ILKAP: variants seen among roughly 807,000 people sequenced by gnomAD.
ILKAP encodes the protein ILK associated serine/threonine phosphatase, also known as integrin-linked kinase-associated serine/threonine phosphatase 2C.
Under a neutral mutation model 49.1 loss-of-function variants are expected in ILKAP, and 11 were observed. The observed-to-expected ratio is 0.22, with a 90% CI of 0.14 to 0.37. The LOEUF is 0.37. ILKAP is among the 10% of genes least tolerant of loss of function. The pLI is 1.00. For synonymous variants in ILKAP, 186 were observed against 192.8 expected (o/e 0.96, Z 0.29); for missense variants, 363 against 510.8 (o/e 0.71, Z 2.79).
At chr2:238,198,482 T>G (rs1694437754) in intron 1 of ILKAP, among the ~76,000 whole-genome samples, 1 of 152,150 alleles carries the variant, frequency 6.6e-6, no homozygotes, top group Non-Finnish European at 1.5e-5. Context: ...CAAGCAATCT[T>G]CCTGCCTCAG....
At chr2:238,180,898 C>T (rs1348091805) in intron 9 of ILKAP, among the ~76,000 whole-genome samples, 1 of 152,230 alleles carries the variant, frequency 6.6e-6, no homozygotes, top group Non-Finnish European at 1.5e-5. Flanking sequence ...AGAGGTGATG[C>T]TTACGCTCAT....
chr2:238,183,427 C>T (rs1450444585), intron 8 of ILKAP, among the ~76,000 whole-genome samples: 2 of 152,148 alleles, frequency 1.3e-5, no homozygotes, highest in African/African-American at 4.8e-5. Flanking sequence ...GGTTTTAAAG[C>T]ACAAGTCTAT....
chr2:238,196,778 T>C (rs1470074747), intron 1 of ILKAP, among the ~76,000 whole-genome samples: 3 of 152,238 alleles, frequency 2.0e-5, no homozygotes, highest in African/African-American at 7.2e-5. Flanking sequence ...CTAATACAAA[T>C]GGGAAAATGT....
chr2:238,186,033 AT>A (rs996931965), intron 5 of ILKAP: 2 of 152,244 alleles, frequency 1.3e-5, no homozygotes, highest in African/African-American at 4.8e-5. Flanking sequence ...TTTAAATCGG[AT>A]TTGGTTTTAA....
chr2:238,195,478 A>C (rs1431729592), intron 1 of ILKAP, among the ~76,000 whole-genome samples: 1 of 152,236 alleles, frequency 6.6e-6, no homozygotes, highest in Non-Finnish European at 1.5e-5. Flanking sequence ...GAAAGTCACG[A>C]AACTCTTTTA....
intron 1 of ILKAP, among the ~76,000 whole-genome samples, chr2:238,201,278 T>C (rs532951153): frequency 3.3e-5 from 5 of 152,356 alleles, no homozygotes; most frequent in African/African-American, 4.8e-5. Context: ...ATCTTGTTGG[T>C]TGTAGCTAAC....
chr2:238,200,025 A>G (rs1329215550), intron 1 of ILKAP, among the ~76,000 whole-genome samples: 1 of 152,202 alleles, frequency 6.6e-6, no homozygotes, highest in Non-Finnish European at 1.5e-5. Flanking sequence ...CAAATAAGTA[A>G]AAGAACCACC....
chr2:238,194,899 C>T (rs938617257), intron 1 of ILKAP, 29 bp from the exon 2 acceptor site: 17 of 1,535,736 alleles, frequency 1.1e-5, no homozygotes, highest in Non-Finnish European at 1.5e-5. Flanking sequence ...GTTTAGAGAG[C>T]ATATGGTCAT....
chr2:238,196,384 T>G (rs4663860), intron 1 of ILKAP, among the ~76,000 whole-genome samples: 1,771 of 152,022 alleles, frequency 0.012, 12 homozygotes, highest in Non-Finnish European at 0.018. Flanking sequence ...AGCCACCATG[T>G]CTGGTCTAAT....
At chr2:238,181,779 C>T (rs766373278) in intron 9 of ILKAP, among the ~76,000 whole-genome samples, 5 of 152,126 alleles carry the variant, frequency 3.3e-5, no homozygotes, top group Admixed American at 1.3e-4. Flanking sequence ...CCCGCCACCA[C>T]GAAAAGTGAC....
At chr2:238,182,681 GA>G (rs1693747149) in intron 8 of ILKAP, among the ~76,000 whole-genome samples, 1 of 152,236 alleles carries the variant, frequency 6.6e-6, no homozygotes, top group Non-Finnish European at 1.5e-5. Flanking sequence ...GGAAGACACT[GA>G]GGCACGAAGA....
chr2:238,175,304 G>A (rs1693402741), intron 9 of ILKAP, among the ~76,000 whole-genome samples: 2 of 152,054 alleles, frequency 1.3e-5, no homozygotes, highest in Admixed American at 6.6e-5. Context: ...TGTTGCCCAG[G>A]CTGGTCCTTA....
chr2:238,182,604 G>A (rs1223378513), intron 8 of ILKAP, among the ~76,000 whole-genome samples: 1 of 152,228 alleles, frequency 6.6e-6, no homozygotes, highest in Admixed American at 6.5e-5. Context: ...CGAGTGCCAG[G>A]TAGGCCGTCC....
At chr2:238,185,422 C>T in intron 5 of ILKAP, 135 bp from the exon 6 acceptor site, 1 of 581,912 alleles carries the variant, frequency 1.7e-6, no homozygotes, top group Non-Finnish European at 3.1e-6. Context: ...ACACCAGTCA[C>T]ACTGTTACAA....
chr2:238,192,274 GGTTT>G (rs944101871), intron 3 of ILKAP, among the ~76,000 whole-genome samples: 3 of 152,036 alleles, frequency 2.0e-5, no homozygotes, highest in Admixed American at 2.0e-4. Flanking sequence ...ACACCTTACA[GGTTT>G]GTTATTGACT....
intron 3 of ILKAP, among the ~76,000 whole-genome samples, chr2:238,192,758 T>C (rs1694189956): frequency 2.0e-5 from 3 of 151,024 alleles, no homozygotes; most frequent in South Asian, 4.2e-4. Flanking sequence ...CTCACGCCTG[T>C]AATCTCAGCA....
intron 9 of ILKAP, 54 bp downstream of exon 9, chr2:238,182,011 C>G: frequency 1.9e-6 from 3 of 1,604,054 alleles, no homozygotes; most frequent in Non-Finnish European, 2.6e-6. Context: ...TCTCGGGACC[C>G]TTCTACAGCT....
At chr2:238,195,848 G>C (rs1013966818) in intron 1 of ILKAP, among the ~76,000 whole-genome samples, 1 of 151,786 alleles carries the variant, frequency 6.6e-6, no homozygotes, top group Non-Finnish European at 1.5e-5. Flanking sequence ...TTCGAGACCA[G>C]CCTGGACAAC....
Position 238,203,537 on chromosome 2 carries a change from TC to T in ILKAP, c.16del (p.Asp6ThrfsTer65). MDLFG[D>X]LPEPERSPRP... Reference sequence around the variant, plus strand: ...CGGCGAGCGCTCGGGCTCCGGCAGGTCCCCGAAGAGGTCCATGGCGGAGGCT... The same window carrying T: ...CGGCGAGCGCTCGGGCTCCGGCAGGTCCCGAAGAGGTCCATGGCGGAGGCT... On this transcript the variant is annotated frameshift_variant, in exon 1 of 12. Coordinates refer to ENST00000254654, the MANE Select transcript of ILKAP (RefSeq NM_030768.3). LOFTEE classifies it high-confidence loss of function. 1 of 1,218,800 alleles carries T rather than the reference TC, an allele frequency of 8.2e-7. No individual in the cohort carries two copies. The highest frequency in any genetic ancestry group is 1.0e-6 in the Non-Finnish European group (1 of 974,240). 75.5% of individuals were successfully genotyped at this position (1,218,800 alleles called of 1,614,324 possible). A position where few individuals can be genotyped will look rare whatever the true frequency, so the allele number is the denominator to read the frequency against.
Sources: gnomAD v4.1 joint callset for allele counts (sites outside exome capture counted in the v4.1 genomes callset) on GRCh38, gnomAD v4.1.1 for gene constraint, MANE v1.5 for transcripts, NCBI Gene and HGNC (gene_info 2026-07-23, HGNC 2026-07-21) for gene names.